Variants in PEX5L observed in about 807,000 individuals in gnomAD.
The protein encoded by PEX5L is peroxisomal biogenesis factor 5 like, also known as PEX5-related protein.
In PEX5L, 30 loss-of-function variants were observed where a neutral mutation model predicts 84.0. That is an observed-to-expected ratio of 0.36 (90% CI 0.27 to 0.48). The LOEUF (loss-of-function observed/expected upper bound fraction) is 0.48. Among genes scored for constraint, PEX5L ranks in the 20% least tolerant of loss-of-function variants. The pLI is 0.99. For missense variants in PEX5L, 533 were observed against 754.6 expected, an observed-to-expected ratio of 0.71 and a Z score of 3.44; for synonymous variants, 270 against 283.1, an observed-to-expected ratio of 0.95 and a Z score of 0.46.
intron 7 of PEX5L, among the ~76,000 whole-genome samples, chr3:179,873,957 A>G (rs1236145359): frequency 5.9e-5 from 9 of 152,124 alleles, no homozygotes; most frequent in Non-Finnish European, 1.3e-4. Flanking sequence ...GTGTGAATGA[A>G]CACTCAAGAT....
Position 180,036,560 on chromosome 3 carries a change from C to A in PEX5L, c.21+19G>T, listed in dbSNP as rs777857329. 2.5e-6 allele frequency: 4 copies of A among 1,613,108 alleles called. No homozygotes were observed. Among genetic ancestry groups the A allele is most frequent in the Non-Finnish European group, 3.4e-6 (4 of 1,179,014 alleles). ...ATTAGCCCCCAAGAATTCTCTCCAGCCCTATAGAAATGTCTTACCTGCATG... is the reference window on the plus strand; with the variant it reads ...ATTAGCCCCCAAGAATTCTCTCCAGACCTATAGAAATGTCTTACCTGCATG... On this transcript the variant is annotated intron_variant, in intron 1 of 14. Transcript: ENST00000467460.
rs190402608 is a variant in PEX5L, at chr3:179,927,937, A to G, written c.94-29691T>C. On this transcript the variant is annotated intron_variant, in intron 2 of 14. Transcript: ENST00000467460. The stretch of plus-strand genomic sequence containing the variant: ...TCAAAAATTATCATTTCAATATGTG[A>G]TCATAAAATATTATTAATGAAGTAT... Among the ~76,000 whole-genome samples, 330 of 152,296 alleles carry G rather than the reference A, an allele frequency of 2.2e-3. 2 individuals carry two copies. Among genetic ancestry groups the G allele is most frequent in the African/African-American group, 7.8e-3 (325 of 41,560 alleles).
Position 179,887,661 on chromosome 3 carries a change from T to G in PEX5L, c.310+12A>C. 9.2e-5 allele frequency: 139 copies of G among 1,503,342 alleles called. No homozygotes were observed. The highest frequency in any genetic ancestry group is 1.7e-4 in the Middle Eastern group (1 of 5,848). The allele number at this position is 1,503,342 out of a possible 1,614,324, so 93.1% of individuals were successfully genotyped here. ...ACTCTAGTTGAGGAACAGTTAAAAG[T>G]GAGAGAATTACCAGCTGTATTGGAT... On this transcript the variant is annotated intron_variant, in intron 4 of 14. Coordinates refer to ENST00000467460, the MANE Select transcript of PEX5L (RefSeq NM_016559.3).
intron 3 of PEX5L, among the ~76,000 whole-genome samples, chr3:179,893,449 T>C (rs1053478523): frequency 6.6e-6 from 1 of 152,164 alleles, no homozygotes; most frequent in Non-Finnish European, 1.5e-5. Flanking sequence ...ATTGTTTGTT[T>C]TGTGACTTAA....
intron 1 of PEX5L, among the ~76,000 whole-genome samples, chr3:180,029,838 C>A (rs1019876421): frequency 6.7e-6 from 1 of 148,156 alleles, no homozygotes; most frequent in Non-Finnish European, 1.5e-5. Flanking sequence ...TGTACATAAT[C>A]CCCTGCCGAA....
At chr3:179,829,045 C>T (rs907502171) in intron 8 of PEX5L, among the ~76,000 whole-genome samples, 15 of 152,168 alleles carry the variant, frequency 9.9e-5, no homozygotes, top group African/African-American at 3.6e-4. Context: ...CTTCTCAGTA[C>T]TAACCAGTAA....
At chr3:179,925,410 T>C (rs764229482) in intron 2 of PEX5L, among the ~76,000 whole-genome samples, 3 of 152,152 alleles carry the variant, frequency 2.0e-5, no homozygotes, top group Admixed American at 6.5e-5. Context: ...TGAGCACAGA[T>C]ACTACACATA....
intron 2 of PEX5L, among the ~76,000 whole-genome samples, chr3:179,934,481 GA>G (rs1487771274): frequency 6.6e-6 from 1 of 152,180 alleles, no homozygotes; most frequent in East Asian, 1.9e-4. Flanking sequence ...CGATAAGGTG[GA>G]CACTGTGAAC....
chr3:179,959,069 A>T (rs1201152847), intron 2 of PEX5L, among the ~76,000 whole-genome samples: 1 of 152,060 alleles, frequency 6.6e-6, no homozygotes, highest in Non-Finnish European at 1.5e-5. Flanking sequence ...CGAAAAAAAA[A>T]AAATAAAAAA....
intron 8 of PEX5L, among the ~76,000 whole-genome samples, chr3:179,829,772 CTTTTTTTTT>C (rs55899128): frequency 8.3e-6 from 1 of 120,944 alleles, no homozygotes; most frequent in Non-Finnish European, 1.7e-5. Context: ...CTTGCTATAT[CTTTTTTTTT>C]TTTTTTTTTT....
chr3:179,870,517 G>C (rs1307712854), intron 7 of PEX5L, among the ~76,000 whole-genome samples: 1 of 152,194 alleles, frequency 6.6e-6, no homozygotes, highest in East Asian at 1.9e-4. Flanking sequence ...CTCTTTCTCT[G>C]TTGCAACTTG....
intron 7 of PEX5L, among the ~76,000 whole-genome samples, chr3:179,866,974 C>T (rs1163880881): frequency 1.4e-5 from 2 of 138,770 alleles, no homozygotes; most frequent in Non-Finnish European, 1.5e-5. Context: ...TGCCGTGAGT[C>T]GAGATCGCGC....
chr3:179,879,177 G>A (rs1444288235), intron 5 of PEX5L, among the ~76,000 whole-genome samples: 1 of 152,150 alleles, frequency 6.6e-6, no homozygotes, highest in African/African-American at 2.4e-5. Flanking sequence ...GTTCCTCTTG[G>A]CTTTCTAAGA....
intron 7 of PEX5L, among the ~76,000 whole-genome samples, chr3:179,872,008 C>T (rs1047649561): frequency 6.6e-6 from 1 of 152,184 alleles, no homozygotes; most frequent in Non-Finnish European, 1.5e-5. Flanking sequence ...ACCTCAGCCT[C>T]TTGAGGAGCT....
chr3:179,959,391 A>T (rs1467004190), intron 2 of PEX5L, among the ~76,000 whole-genome samples: 7 of 152,196 alleles, frequency 4.6e-5, no homozygotes, highest in Non-Finnish European at 5.9e-5. Flanking sequence ...CAGCACGGGC[A>T]CTGTAACTGT....
At chr3:179,936,155 T>C (rs905743749) in intron 2 of PEX5L, among the ~76,000 whole-genome samples, 2 of 152,156 alleles carry the variant, frequency 1.3e-5, no homozygotes, top group African/African-American at 2.4e-5. Context: ...TCGGTGTGGG[T>C]AAGAAGGAGA....
intron 2 of PEX5L, among the ~76,000 whole-genome samples, chr3:179,914,422 T>C (rs1560680132): frequency 6.6e-6 from 1 of 152,234 alleles, no homozygotes; most frequent in African/African-American, 2.4e-5. Flanking sequence ...CATCTTTACT[T>C]GGTGAATTCC....
intron 6 of PEX5L, among the ~76,000 whole-genome samples, chr3:179,874,738 GTTTTTTTTTTTTTT>G (rs3836472): frequency 2.2e-5 from 1 of 45,982 alleles, no homozygotes; most frequent in African/African-American, 9.3e-5. Context: ...TTTTTTTTTT[GTTTTTTTTTTTTTT>G]TTTTTTTTTT....
At chr3:179,802,120 AT>A (rs1719078549) in intron 14 of PEX5L, 88 bp from the exon 15 acceptor site, 1 of 909,930 alleles carries the variant, frequency 1.1e-6, no homozygotes, top group Non-Finnish European at 1.8e-6. Context: ...GGATTAAGTG[AT>A]TTTAATCTAA....
Sources: allele counts gnomAD v4.1 joint callset (sites outside exome capture counted in the v4.1 genomes callset), GRCh38; gene constraint gnomAD v4.1.1; transcripts MANE v1.5; gene names NCBI Gene and HGNC (gene_info 2026-07-23, HGNC 2026-07-21).